The following DOCK5 variants were observed in gnomAD, a reference collection of about 807,000 sequenced individuals.
DOCK5 encodes the protein dedicator of cytokinesis protein 5.
In DOCK5, 142 loss-of-function variants were observed where a neutral mutation model predicts 251.8. The ratio of observed to expected loss-of-function variants is 0.56; its 90% CI spans 0.49 to 0.65. The LOEUF is 0.65. Among genes scored for constraint, DOCK5 ranks in the 30% least tolerant of loss-of-function variants. DOCK5 has a pLI of 0.00. For missense variants in DOCK5, 2,111 were observed against 2,312.3 expected (o/e 0.91, Z 1.79); for synonymous variants, 842 against 835.5 (o/e 1.01, Z -0.13).
At chr8:25,393,644 A>T (rs1039435810) in intron 44 of DOCK5, among the ~76,000 whole-genome samples, 3 of 152,120 alleles carry the variant, frequency 2.0e-5, no homozygotes, top group Admixed American at 1.3e-4. Context: ...TCTGCACCTA[A>T]CTAACTCCCA....
chr8:25,206,939 C>T (rs995419028), intron 1 of DOCK5, among the ~76,000 whole-genome samples: 7 of 152,164 alleles, frequency 4.6e-5, no homozygotes, highest in Non-Finnish European at 7.3e-5. Context: ...GAGAGGGGAG[C>T]AGATGTGGAG....
At chr8:25,201,362 G>A (rs2117461156) in intron 1 of DOCK5, among the ~76,000 whole-genome samples, 1 of 152,296 alleles carries the variant, frequency 6.6e-6, no homozygotes, top group East Asian at 1.9e-4. Flanking sequence ...ATAAAACAAA[G>A]TATTTCAATA....
chr8:25,200,901 T>TTTC lies in DOCK5; in HGVS notation c.43+15962_43+15964dup, dbSNP rs145629044. On this transcript the variant is annotated intron_variant, in intron 1 of 51. Coordinates refer to ENST00000276440, the MANE Select transcript of DOCK5 (RefSeq NM_024940.8). ...GGTTGTTTAAGGATCTAAATGGCTA[T>TTTC]TTCTTCTTCTTCTTTTTTTGTTTGA... Among the ~76,000 whole-genome samples the TTTC allele has an allele frequency of 1.0e-3, 152 of 151,372 alleles. 2 individuals carry two copies. The highest frequency in any genetic ancestry group is 5.5e-3 in the Admixed American group (84 of 15,218).
At chr8:25,406,956 A>G (rs1222149901) in intron 48 of DOCK5, among the ~76,000 whole-genome samples, 1 of 152,136 alleles carries the variant, frequency 6.6e-6, no homozygotes, top group Non-Finnish European at 1.5e-5. Flanking sequence ...AGCTTTTACC[A>G]TCATTTTTGA....
chr8:25,321,042 A>G lies in DOCK5; in HGVS notation c.1605A>G (p.Ser535=). The stretch of plus-strand genomic sequence containing the variant: ...TAAGATTTACCTTCCGACACAGGTC[A>G]TCTCAGGAAAGTAAGTATTAAGACG... ...CHIRFTFRHR[S]SQETRDKSER... is the part of the protein sequence containing the mutation. The change falls in exon 16 of 52, where the codon TCA becomes TCG. Residue 535 remains serine (S), a synonymous_variant. Transcript: ENST00000276440. 1 of 1,613,302 alleles carries G rather than the reference A, an allele frequency of 6.2e-7. No individual in the cohort carries two copies. Among genetic ancestry groups the G allele is most frequent in the Non-Finnish European group, 8.5e-7 (1 of 1,179,686 alleles).
chr8:25,310,871 T>C (rs1000865734), intron 13 of DOCK5, among the ~76,000 whole-genome samples: 18 of 152,272 alleles, frequency 1.2e-4, no homozygotes, highest in African/African-American at 4.3e-4. Context: ...ATAATGCTTT[T>C]AAACATAACT....
In DOCK5 at chr8:25,192,625, C is replaced by T. The variant is rs146290907; in HGVS notation, c.43+7674C>T. 1.7e-3 allele frequency among the ~76,000 whole-genome samples: 263 copies of T among 152,316 alleles called. 1 individual carries two copies. The highest frequency in any genetic ancestry group is 5.9e-3 in the African/African-American group (247 of 41,578). On this transcript the variant is annotated intron_variant, in intron 1 of 51. Transcript: ENST00000276440. ...AGCTCAAGCGATTCTCCCACCTCAG[C>T]CTCTGGAATAGCTGGAACTACAGAC...
intron 1 of DOCK5, among the ~76,000 whole-genome samples, chr8:25,232,375 A>G (rs1427193575): frequency 2.0e-5 from 3 of 152,248 alleles, no homozygotes; most frequent in Non-Finnish European, 2.9e-5. Context: ...TGCAGGACCA[A>G]CACAGCCTTT....
chr8:25,306,653 C>A (rs1271315319), intron 11 of DOCK5, among the ~76,000 whole-genome samples: 1 of 151,374 alleles, frequency 6.6e-6, no homozygotes. Context: ...AAGATCACGC[C>A]ACTGCACTCC....
At chr8:25,342,371 A>G in intron 24 of DOCK5, 30 bp from the exon 25 acceptor site, 1 of 1,529,308 alleles carries the variant, frequency 6.5e-7, no homozygotes. Context: ...CAGAACGAAG[A>G]CACTACTAAC....
At chr8:25,335,288 A>C (rs1805776797) in intron 21 of DOCK5, among the ~76,000 whole-genome samples, 1 of 152,222 alleles carries the variant, frequency 6.6e-6, no homozygotes, top group African/African-American at 2.4e-5. Flanking sequence ...CAATAGCTAC[A>C]AATGAGGAAA....
At chr8:25,380,533 T>A in intron 39 of DOCK5, 139 bp downstream of exon 39, 14 of 702,420 alleles carry the variant, frequency 2.0e-5, no homozygotes, top group Admixed American at 1.6e-4. Context: ...GAAATGAGAA[T>A]GAAAAAAGAT....
At chr8:25,249,535 A>G (rs539783562) in intron 2 of DOCK5, among the ~76,000 whole-genome samples, 10 of 152,252 alleles carry the variant, frequency 6.6e-5, no homozygotes, top group African/African-American at 1.9e-4. Flanking sequence ...ATTTCATGTA[A>G]GTGGAATCAC....
chr8:25,395,138 C>T (rs890265605), intron 44 of DOCK5, among the ~76,000 whole-genome samples: 1 of 152,182 alleles, frequency 6.6e-6, no homozygotes, highest in African/African-American at 2.4e-5. Context: ...GACAGATCAT[C>T]AGGCATTAGA....
At chr8:25,345,278 A>C (rs1196501441) in intron 25 of DOCK5, 197 bp from the exon 26 acceptor site, 4 of 441,324 alleles carry the variant, frequency 9.1e-6, no homozygotes, top group African/African-American at 6.0e-5. Context: ...TAATTCATTC[A>C]TCTGCGCATT....
intron 13 of DOCK5, among the ~76,000 whole-genome samples, chr8:25,314,597 A>G (rs1304601310): frequency 1.1e-4 from 7 of 60,902 alleles, no homozygotes; most frequent in African/African-American, 2.0e-4. Flanking sequence ...CCACCCACCC[A>G]TCCACCTACC....
intron 1 of DOCK5, among the ~76,000 whole-genome samples, chr8:25,242,218 A>G (rs369276348): frequency 2.7e-4 from 41 of 152,048 alleles, no homozygotes; most frequent in African/African-American, 9.4e-4. Flanking sequence ...GGTTCCAGGG[A>G]TTTGATGTGG....
At chr8:25,372,496 G>C in intron 34 of DOCK5, 63 bp from the exon 35 acceptor site, 1 of 1,499,442 alleles carries the variant, frequency 6.7e-7, no homozygotes, top group Non-Finnish European at 8.9e-7. Context: ...GGTCAGTGCT[G>C]GTCAGTGCTG....
chr8:25,215,858 C>G lies in DOCK5; in HGVS notation c.44-27816C>G, dbSNP rs188662537. 1.5e-4 allele frequency among the ~76,000 whole-genome samples: 23 copies of G among 151,258 alleles called. No individual in the cohort carries two copies. The East Asian group carries it at 3.5e-3, about 23-fold the overall frequency. On this transcript the variant is annotated intron_variant, in intron 1 of 51. Coordinates refer to ENST00000276440, the MANE Select transcript of DOCK5 (RefSeq NM_024940.8). ...GTTTGGATAGAGAAAAGGTTATTGT[C>G]ATTTCTATATTAGATTATTAAAAGT...
Sources: gnomAD v4.1 joint callset for allele counts (sites outside exome capture counted in the v4.1 genomes callset) on GRCh38, gnomAD v4.1.1 for gene constraint, MANE v1.5 for transcripts, NCBI Gene and HGNC (gene_info 2026-07-23, HGNC 2026-07-21) for gene names.